Variants in PLEKHA4 observed in about 807,000 individuals in gnomAD.
The protein encoded by PLEKHA4 is pleckstrin homology domain containing A4.
Under a neutral mutation model 94.7 loss-of-function variants are expected in PLEKHA4, and 73 were observed. The ratio of observed to expected loss-of-function variants is 0.77; its 90% CI spans 0.64 to 0.94. The LOEUF is 0.94. PLEKHA4 is among the 40% of genes least tolerant of loss of function. The probability of loss-of-function intolerance (pLI) is 0.00; values close to 1 mark genes in which losing one functional copy is unlikely to be tolerated. For missense variants in PLEKHA4, 1,049 were observed against 1,054.1 expected (o/e 1.00, Z 0.07); for synonymous variants, 449 against 437.1 (o/e 1.03, Z -0.34).
At chr19:48,860,581 G>C in intron 5 of PLEKHA4, 122 bp from the exon 6 acceptor site, 1 of 709,512 alleles carries the variant, frequency 1.4e-6, no homozygotes, top group Non-Finnish European at 2.5e-6. Context: ...AGGATGGCTT[G>C]AGACCAGCCT....
At chr19:48,858,798 G>A (rs1172442714) in intron 8 of PLEKHA4, 62 bp downstream of exon 8, 3 of 1,585,116 alleles carry the variant, frequency 1.9e-6, no homozygotes, top group Non-Finnish European at 2.6e-6. Context: ...TTGAGAATAC[G>A]GAAAGACAGC....
chr19:48,851,385 G>A lies in PLEKHA4; in HGVS notation c.1425+843C>T, dbSNP rs2036178549. On this transcript the variant is annotated intron_variant, in intron 13 of 19. Coordinates refer to ENST00000263265, the MANE Select transcript of PLEKHA4 (RefSeq NM_020904.3). ...TAATCCCAGCACTTTGGGAGGCCGA[G>A]GCAGGCAGATCACCTGAGGTCGGGA... 2.0e-5 allele frequency among the ~76,000 whole-genome samples: 3 copies of A among 152,106 alleles called. No individual in the cohort carries two copies. In the South Asian group the frequency reaches 6.2e-4, roughly 32 times the overall value.
Position 48,862,995 on chromosome 19 carries a change from G to A in PLEKHA4, c.193-1303C>T, listed in dbSNP as rs549582376. Among the ~76,000 whole-genome samples, 3 of 152,294 alleles carry A rather than the reference G, an allele frequency of 2.0e-5. No individual in the cohort carries two copies. The East Asian group carries it at 5.8e-4, about 29-fold the overall frequency. The stretch of plus-strand genomic sequence containing the variant: ...TATTCTGGAGCCTGAGACACAGAGA[G>A]GCCAGGAAGGTGGCAATGAGCCATG... On this transcript the variant is annotated intron_variant, in intron 3 of 19. Transcript: ENST00000263265.
At chr19:48,854,713 T>G (rs1390413077) in intron 9 of PLEKHA4, among the ~76,000 whole-genome samples, 1 of 142,812 alleles carries the variant, frequency 7.0e-6, no homozygotes, top group East Asian at 2.0e-4. Context: ...TTTTTTTTTT[T>G]TTTTTTTTTT....
chr19:48,856,843 G>A (rs1331351499), intron 9 of PLEKHA4, among the ~76,000 whole-genome samples: 1 of 138,986 alleles, frequency 7.2e-6, no homozygotes, highest in South Asian at 2.3e-4. Context: ...AGCTTGCAGT[G>A]AGCCGAGATC....
intron 5 of PLEKHA4, among the ~76,000 whole-genome samples, chr19:48,860,855 AAAAAAGGAAAGGAAAGG>A (rs899949043): frequency 1.3e-4 from 19 of 151,918 alleles, no homozygotes; most frequent in Non-Finnish European, 1.6e-4. Context: ...GAGAGAGAAA[AAAAAAGGAAAGGAAAGG>A]AAAAAGGAAA....
At chr19:48,844,793 A>G (rs1599873832) in intron 16 of PLEKHA4, among the ~76,000 whole-genome samples, 1 of 124,116 alleles carries the variant, frequency 8.1e-6, no homozygotes, top group Non-Finnish European at 1.7e-5. Flanking sequence ...ATTCTGCTCC[A>G]CTCAGGGTGT....
chr19:48,858,551 C>T lies in PLEKHA4; in HGVS notation c.972+309G>A, dbSNP rs549733347. Among the ~76,000 whole-genome samples, 577 of 147,450 alleles carry T rather than the reference C, an allele frequency of 3.9e-3. 2 individuals carry two copies. The highest frequency in any genetic ancestry group is 0.015 in the Middle Eastern group (4 of 274). ...CTGAGGCAGGAGAATCGCTTGAACC[C>T]GGGAGACAGAGGTTGTAGTGAGCCG... On this transcript the variant is annotated intron_variant, in intron 8 of 19. Transcript: ENST00000263265.
chr19:48,837,588 T>C lies in PLEKHA4; in HGVS notation c.2078-37A>G, dbSNP rs765750897. ...GAGTGGGACATGAGAATGGCAAACC[T>C]CAGCGCTAGGACCCCGGATTCCCAG... On this transcript the variant is annotated intron_variant, in intron 19 of 19. Coordinates refer to ENST00000263265, the MANE Select transcript of PLEKHA4 (RefSeq NM_020904.3). This position sits in a 1 kb window ranked among gnomAD's most constrained non-coding sequence, Gnocchi z 4.3. The C allele has an allele frequency of 1.2e-6, 2 of 1,610,348 alleles. No homozygotes were observed. Among genetic ancestry groups the C allele is most frequent in the Non-Finnish European group, 1.7e-6 (2 of 1,178,662 alleles).
chr19:48,863,357 G>A (rs995318920), intron 3 of PLEKHA4, among the ~76,000 whole-genome samples: 2 of 150,594 alleles, frequency 1.3e-5, no homozygotes, highest in Non-Finnish European at 2.9e-5. Flanking sequence ...GGGTTCAAGC[G>A]ATTCTCCTGG....
intron 5 of PLEKHA4, among the ~76,000 whole-genome samples, chr19:48,860,911 G>A (rs1411501705): frequency 6.7e-6 from 1 of 149,356 alleles, no homozygotes; most frequent in Non-Finnish European, 1.5e-5. Flanking sequence ...GAAAGGAAAG[G>A]AAAGGAAAGG....
chr19:48,856,516 G>A (rs563293082), intron 9 of PLEKHA4, among the ~76,000 whole-genome samples: 2 of 151,810 alleles, frequency 1.3e-5, no homozygotes, highest in African/African-American at 2.4e-5. Context: ...TTAGGAGTTC[G>A]AGACCAGCCT....
In PLEKHA4 at chr19:48,845,506, A is replaced by G; in HGVS notation, c.1666+11T>C. 2 of 1,613,258 alleles carry G rather than the reference A, an allele frequency of 1.2e-6. No individual in the cohort carries two copies. Among genetic ancestry groups the G allele is most frequent in the Non-Finnish European group, 1.7e-6 (2 of 1,179,474 alleles). ...AATTTCCGTAAAGTCCCACCCAACC[A>G]GGATGCTCACCTAAGTGAGGGCTGG... On this transcript the variant is annotated intron_variant, in intron 15 of 19. Transcript: ENST00000263265.
chr19:48,868,329 T>A lies in PLEKHA4; in HGVS notation c.-253A>T, dbSNP rs1242722920. On this transcript the variant is annotated 5_prime_UTR_variant, in exon 1 of 20. Coordinates refer to ENST00000263265, the MANE Select transcript of PLEKHA4 (RefSeq NM_020904.3). ...TCTGTGTCTCCCTCTGATCTCTGTC[T>A]CTTCCAGTCTCTCTCTCACTCATTC... 1 of 152,198 alleles carries A rather than the reference T, an allele frequency of 6.6e-6. No homozygotes were observed. The highest frequency in any genetic ancestry group is 1.5e-5 in the Non-Finnish European group (1 of 68,106). 9.4% of individuals were successfully genotyped at this position (152,198 alleles called of 1,614,324 possible).
intron 18 of PLEKHA4, 30 bp downstream of exon 18, chr19:48,839,175 G>A: frequency 2.6e-6 from 4 of 1,521,940 alleles, no homozygotes; most frequent in South Asian, 2.5e-5. Flanking sequence ...TTTTTTTCCT[G>A]CTCCCTTGAT....
At position 48,850,481 on chromosome 19, in the gene PLEKHA4, C is replaced by T. The variant is rs562483182; in HGVS notation, c.1425+1747G>A. Among the ~76,000 whole-genome samples, 139 of 150,118 alleles carry T rather than the reference C, an allele frequency of 9.3e-4. 1 individual carries two copies. The Middle Eastern group carries it at 0.01, about 11-fold the overall frequency. On this transcript the variant is annotated intron_variant, in intron 13 of 19. Transcript: ENST00000263265. ...ATTGTGCCACTGCACTCCAGCCTGG[C>T]GACAGAGCAAGACTATGTCTCACAC...
At chr19:48,853,037 T>C (rs17272666) in intron 12 of PLEKHA4, among the ~76,000 whole-genome samples, 17,044 of 152,180 alleles carry the variant, frequency 0.11, 1,166 homozygotes, top group Non-Finnish European at 0.15. Flanking sequence ...TGGGCACTGA[T>C]CATGTGCTAG....
intron 6 of PLEKHA4, among the ~76,000 whole-genome samples, 153 bp from the exon 7 acceptor site, chr19:48,859,837 C>T (rs534054406): frequency 3.3e-5 from 5 of 152,276 alleles, no homozygotes; most frequent in African/African-American, 1.2e-4. Context: ...AAACTGAGGC[C>T]TCCAATGTGA....
At chr19:48,840,295 G>A (rs1360196709) in intron 17 of PLEKHA4, among the ~76,000 whole-genome samples, 4 of 151,798 alleles carry the variant, frequency 2.6e-5, no homozygotes, top group African/African-American at 9.7e-5. Context: ...TATCCCTGTA[G>A]TCCTAGCTAC....
Sources: gnomAD v4.1 joint callset for allele counts (sites outside exome capture counted in the v4.1 genomes callset) on GRCh38, gnomAD v4.1.1 for gene constraint, Gnocchi (gnomAD v3.1) non-coding constraint, MANE v1.5 for transcripts, NCBI Gene and HGNC (gene_info 2026-07-23, HGNC 2026-07-21) for gene names.